The following LRBA variants were observed in gnomAD, a reference collection of about 807,000 sequenced individuals.
The protein encoded by LRBA is LPS responsive beige-like anchor protein.
LRBA carries 176 observed loss-of-function variants against 330.0 expected under a neutral mutation model. That is an observed-to-expected ratio of 0.53 (90% CI 0.47 to 0.60). LRBA has a LOEUF of 0.60. Among genes scored for constraint, LRBA ranks in the 20% least tolerant of loss-of-function variants. The pLI, the probability that LRBA is intolerant of heterozygous loss-of-function variation, is 0.00. For synonymous variants in LRBA, 1,230 were observed against 1,193.0 expected, an observed-to-expected ratio of 1.03 and a Z score of -0.64; for missense variants, 3,259 against 3,444.8, an observed-to-expected ratio of 0.95 and a Z score of 1.35.
chr4:150,313,564 G>A (rs1731334392), intron 51 of LRBA, among the ~76,000 whole-genome samples: 1 of 152,058 alleles, frequency 6.6e-6, no homozygotes. Flanking sequence ...AGGGCCAAAG[G>A]CTGAATCCTG....
chr4:150,694,794 G>A (rs1253164336), intron 36 of LRBA, among the ~76,000 whole-genome samples: 3 of 151,610 alleles, frequency 2.0e-5, no homozygotes, highest in Non-Finnish European at 4.4e-5. Context: ...CAACATGTTG[G>A]GTTCTTATCG....
chr4:150,699,947 T>C (rs897577730), intron 36 of LRBA, among the ~76,000 whole-genome samples: 4 of 152,052 alleles, frequency 2.6e-5, no homozygotes, highest in African/African-American at 9.7e-5. Flanking sequence ...AATTCAAAAT[T>C]CAAAATGCTC....
chr4:150,766,115 A>G (rs1216449923), intron 34 of LRBA, among the ~76,000 whole-genome samples: 2 of 152,092 alleles, frequency 1.3e-5, no homozygotes, highest in African/African-American at 2.4e-5. Context: ...CTATAAACCC[A>G]TATTTGTTAA....
At chr4:150,667,586 C>A (rs1368226406) in intron 37 of LRBA, among the ~76,000 whole-genome samples, 1 of 152,058 alleles carries the variant, frequency 6.6e-6, no homozygotes, top group Non-Finnish European at 1.5e-5. Flanking sequence ...ATTTTAACCC[C>A]CAATGTGACA....
intron 28 of LRBA, among the ~76,000 whole-genome samples, chr4:150,836,478 A>G (rs1313780936): frequency 6.6e-6 from 1 of 152,070 alleles, no homozygotes; most frequent in Non-Finnish European, 1.5e-5. Context: ...TCAATTTCAG[A>G]GCCTGCTATT....
intron 36 of LRBA, among the ~76,000 whole-genome samples, chr4:150,709,252 C>T (rs1314472569): frequency 1.3e-5 from 2 of 151,776 alleles, no homozygotes; most frequent in Non-Finnish European, 3.0e-5. Flanking sequence ...CACACTGTTT[C>T]AAAATTAAGT....
chr4:150,575,464 T>C (rs1770421036), intron 40 of LRBA, among the ~76,000 whole-genome samples: 1 of 151,920 alleles, frequency 6.6e-6, no homozygotes, highest in Admixed American at 6.6e-5. Flanking sequence ...CTATTCATAA[T>C]AATATAGAGT....
intron 2 of LRBA, among the ~76,000 whole-genome samples, chr4:150,963,019 TA>T (rs35571039): frequency 0.71 from 100,898 of 141,194 alleles, 40,797 homozygotes; most frequent in Non-Finnish European, 0.88. Flanking sequence ...AGCTTTTTAT[TA>T]AAAAAAAAAA....
At chr4:150,296,822 A>C (rs1051393539) in intron 53 of LRBA, among the ~76,000 whole-genome samples, 1 of 152,164 alleles carries the variant, frequency 6.6e-6, no homozygotes, top group African/African-American at 2.4e-5. Context: ...AAGGTAGTAA[A>C]GTCAGTCTAC....
At chr4:150,622,688 CTT>C (rs10528461) in intron 37 of LRBA, among the ~76,000 whole-genome samples, 2 of 105,660 alleles carry the variant, frequency 1.9e-5, no homozygotes, top group African/African-American at 8.3e-5. Context: ...CTAAATCAAT[CTT>C]TTTTTTTTTT....
intron 18 of LRBA, among the ~76,000 whole-genome samples, chr4:150,872,103 T>C (rs558906475): frequency 1.3e-5 from 2 of 152,180 alleles, no homozygotes; most frequent in African/African-American, 4.8e-5. Flanking sequence ...TAAATTATTG[T>C]GGCTGTTTTC....
chr4:150,667,863 G>A (rs374189287), intron 37 of LRBA, among the ~76,000 whole-genome samples: 6 of 152,202 alleles, frequency 3.9e-5, no homozygotes, highest in African/African-American at 1.4e-4. Flanking sequence ...CTCAGTGTAC[G>A]GCAATTTATT....
intron 47 of LRBA, among the ~76,000 whole-genome samples, chr4:150,378,626 T>C (rs1203017712): frequency 6.6e-6 from 1 of 152,118 alleles, no homozygotes; most frequent in African/African-American, 2.4e-5. Context: ...ACATTGTAAG[T>C]AAAGGTGTTA....
intron 40 of LRBA, among the ~76,000 whole-genome samples, chr4:150,546,913 C>T (rs1414429553): frequency 6.6e-6 from 1 of 152,104 alleles, no homozygotes; most frequent in African/African-American, 2.4e-5. Context: ...AATCTTCCAA[C>T]CTTCTGTTGG....
chr4:150,440,640 G>A (rs1318430111), intron 44 of LRBA, among the ~76,000 whole-genome samples: 1 of 151,958 alleles, frequency 6.6e-6, no homozygotes, highest in Non-Finnish European at 1.5e-5. Context: ...TGGGCATGGT[G>A]GTGTATGCCT....
At chr4:150,667,834 A>ATGTT (rs1020068786) in intron 37 of LRBA, among the ~76,000 whole-genome samples, 1 of 152,128 alleles carries the variant, frequency 6.6e-6, no homozygotes, top group Non-Finnish European at 1.5e-5. Context: ...TGACAAATAA[A>ATGTT]TGTTTGTACT....
chr4:150,694,730 A>G (rs1936811989), intron 36 of LRBA, among the ~76,000 whole-genome samples: 1 of 151,862 alleles, frequency 6.6e-6, no homozygotes, highest in African/African-American at 2.4e-5. Flanking sequence ...TAAAACAGGC[A>G]GAACACTTAT....
chr4:150,842,608 A>C (rs1164955520), intron 28 of LRBA, among the ~76,000 whole-genome samples: 1 of 152,216 alleles, frequency 6.6e-6, no homozygotes, highest in East Asian at 1.9e-4. Flanking sequence ...GGGAGAAAAA[A>C]AGTTGATGGC....
rs574210083 is a variant in LRBA, at chr4:150,636,293, TTAG to T, written c.5922-37165_5922-37163del. ...CTTTCCATTTGTTCATTTATTTATA[TTAG>T]TATGATCTTCTATTTTATTCAACGG... On this transcript the variant is annotated intron_variant, in intron 37 of 56. Transcript: ENST00000651943. Among the ~76,000 whole-genome samples, 38 of 152,220 alleles carry T rather than the reference TTAG, an allele frequency of 2.5e-4. 1 individual carries two copies. In the South Asian group the frequency reaches 7.9e-3, roughly 32 times the overall value.
Sources: gnomAD v4.1 joint callset for allele counts (sites outside exome capture counted in the v4.1 genomes callset) on GRCh38, gnomAD v4.1.1 for gene constraint, MANE v1.5 for transcripts, NCBI Gene and HGNC (gene_info 2026-07-23, HGNC 2026-07-21) for gene names.